DHX40: variants seen among roughly 807,000 people sequenced by gnomAD.
DHX40 encodes probable ATP-dependent RNA helicase DHX40.
Under a neutral mutation model 89.6 loss-of-function variants are expected in DHX40, and 28 were observed. The observed-to-expected ratio is 0.31, with a 90% CI of 0.23 to 0.43. The LOEUF (loss-of-function observed/expected upper bound fraction) is 0.43. Ranked by LOEUF, DHX40 falls within the 20% of genes least tolerant of loss-of-function variation. The pLI, the probability that DHX40 is intolerant of heterozygous loss-of-function variation, is 1.00. For missense variants in DHX40, 457 were observed against 844.0 expected, an observed-to-expected ratio of 0.54 and a Z score of 5.68; for synonymous variants, 226 against 283.6, an observed-to-expected ratio of 0.80 and a Z score of 2.04.
In DHX40 at chr17:59,566,731, A is replaced by G. The variant is rs559969785; in HGVS notation, c.217A>G (p.Ile73Val). The G allele has an allele frequency of 2.5e-6, 4 of 1,602,522 alleles. No homozygotes were observed. Among genetic ancestry groups the G allele is most frequent in the East Asian group, 2.2e-5 (1 of 44,660 alleles). The change falls in exon 2 of 18, where the codon ATT becomes GTT. Residue 73 changes from isoleucine (I) to valine (V), a missense_variant. This residue lies in a region of DHX40 where 61 missense variants were observed against 100.4 expected (regional missense o/e 0.61). Transcript: ENST00000251241. Reference sequence around the variant, plus strand: ...AGCTGTGAGGGACAATTCATTCCTTATTGTTACTGGAAATACAGGAAGTGG... The same window carrying G: ...AGCTGTGAGGGACAATTCATTCCTTGTTGTTACTGGAAATACAGGAAGTGG... ...IQAVRDNSFL[I>V]VTGNTGSGKT...
At position 59,575,385 on chromosome 17, in the gene DHX40, C is replaced by T. The variant is rs1297234973; in HGVS notation, c.887C>T (p.Ala296Val). ...AGTTGTGAGTTACTTTTTCAGATGG[C>T]AGAGTCTGTTGATTATGATTATGAT... ...EKSCELLFQMAESVDYDYDVQ... is the reference protein window; with the variant it reads ...EKSCELLFQMVESVDYDYDVQ... Residue 296 changes from alanine to valine, a missense_variant, in exon 7 of 18, where the codon GCA (alanine) becomes GTA (valine). This residue lies in a region of DHX40 where 116 missense variants were observed against 188.9 expected (regional missense o/e 0.61). Transcript: ENST00000251241. 1 of 1,606,100 alleles carries T rather than the reference C, an allele frequency of 6.2e-7. No individual in the cohort carries two copies. The highest frequency in any genetic ancestry group is 1.3e-5 in the African/African-American group (1 of 74,668).
At chr17:59,570,839 T>C in intron 3 of DHX40, among the ~76,000 whole-genome samples, 176 bp downstream of exon 3, 1 of 152,178 alleles carries the variant, frequency 6.6e-6, no homozygotes, top group East Asian at 1.9e-4. Context: ...CATGCCACCA[T>C]GCCCAGCTAA....
At chr17:59,601,214 G>A (rs1187111127) in intron 14 of DHX40, among the ~76,000 whole-genome samples, 1 of 152,006 alleles carries the variant, frequency 6.6e-6, no homozygotes, top group African/African-American at 2.4e-5. Flanking sequence ...GCAGGGTGAG[G>A]TAGAGGATTG....
At chr17:59,578,883 G>A (rs922237915) in intron 8 of DHX40, among the ~76,000 whole-genome samples, 1 of 116,010 alleles carries the variant, frequency 8.6e-6, no homozygotes, top group Non-Finnish European at 1.7e-5. Context: ...TTCTGTGTTT[G>A]CTTTCTTTCA....
In DHX40 at chr17:59,605,435, G is replaced by A. The variant is rs769623092; in HGVS notation, c.1972-11G>A. On this transcript the variant is annotated splice_polypyrimidine_tract_variant and intron_variant, in intron 16 of 17. Coordinates refer to ENST00000251241, the MANE Select transcript of DHX40 (RefSeq NM_024612.5). ...TTGAGTTACCATCATTAAAAGAAAT[G>A]TTTTGTATAGCTTCATGAACAGGAA... 2.5e-6 allele frequency: 4 copies of A among 1,607,384 alleles called. No individual in the cohort carries two copies. In the South Asian group the frequency reaches 4.4e-5, roughly 18 times the overall value.
chr17:59,604,281 TA>T (rs2030710819), intron 15 of DHX40: 1 of 152,160 alleles, frequency 6.6e-6, no homozygotes, highest in African/African-American at 2.4e-5. Flanking sequence ...ATGATTCAGG[TA>T]AAAATTTTTT....
At chr17:59,580,886 C>G (rs980624657) in intron 10 of DHX40, among the ~76,000 whole-genome samples, 6 of 151,040 alleles carry the variant, frequency 4.0e-5, no homozygotes, top group Admixed American at 2.6e-4. Flanking sequence ...GTTTGAGACC[C>G]GCCTGGCCAT....
chr17:59,595,349 C>T (rs1240849718), intron 12 of DHX40, among the ~76,000 whole-genome samples: 198 of 147,668 alleles, frequency 1.3e-3, no homozygotes, highest in African/African-American at 5.0e-3. Context: ...TCCCAACATG[C>T]TGGGATTACA....
chr17:59,573,799 G>A lies in DHX40; in HGVS notation c.606G>A (p.Glu202=), dbSNP rs2048843926. 8.7e-6 allele frequency: 14 copies of A among 1,613,646 alleles called. No homozygotes were observed. The highest frequency in any genetic ancestry group is 1.2e-5 in the Non-Finnish European group (14 of 1,179,872). ...LFQEKSPNRK[E]HLKVVVMSAT... ...AGGAGAAGTCTCCTAATAGGAAGGA[G>A]CATTTAAAAGTGGTGGTAATGTCAG... The change falls in exon 5 of 18, where the codon GAG becomes GAA. Residue 202 remains glutamate, a synonymous_variant. Transcript: ENST00000251241.
chr17:59,592,540 C>G (rs1008780721), intron 12 of DHX40, among the ~76,000 whole-genome samples: 1 of 150,270 alleles, frequency 6.7e-6, no homozygotes, highest in African/African-American at 2.4e-5. Context: ...TTATTTTTTT[C>G]TGATTAGTTT....
At position 59,605,440 on chromosome 17, in the gene DHX40, G is replaced by T. The variant is rs762657929; in HGVS notation, c.1972-6G>T. 15 of 1,609,426 alleles carry T rather than the reference G, an allele frequency of 9.3e-6. No homozygotes were observed. Among genetic ancestry groups the T allele is most frequent in the East Asian group, 2.2e-5 (1 of 44,764 alleles). ...TTACCATCATTAAAAGAAATGTTTT[G>T]TATAGCTTCATGAACAGGAAACCAA... is the stretch of plus-strand genomic sequence containing the variant. On this transcript the variant is annotated splice_region_variant and splice_polypyrimidine_tract_variant and intron_variant, in intron 16 of 17. Transcript: ENST00000251241.
chr17:59,588,118 C>A, intron 12 of DHX40, 65 bp downstream of exon 12: 1 of 1,587,054 alleles, frequency 6.3e-7, no homozygotes, highest in Non-Finnish European at 8.6e-7. Flanking sequence ...CGGTGGCTCA[C>A]GCCTGTAATC....
At chr17:59,590,812 C>T (rs1181726697) in intron 12 of DHX40, among the ~76,000 whole-genome samples, 1 of 151,640 alleles carries the variant, frequency 6.6e-6, no homozygotes, top group African/African-American at 2.4e-5. Flanking sequence ...GGTAATACCC[C>T]TAATTGCAAT....
At chr17:59,577,465 C>T (rs1327003618) in intron 8 of DHX40, 100 bp downstream of exon 8, 15 of 822,424 alleles carry the variant, frequency 1.8e-5, no homozygotes, top group Non-Finnish European at 2.8e-5. Context: ...TCCACTAATT[C>T]CCTTCTCTCC....
intron 2 of DHX40, among the ~76,000 whole-genome samples, chr17:59,569,073 G>A (rs534096839): frequency 6.6e-6 from 1 of 152,032 alleles, no homozygotes; most frequent in South Asian, 2.1e-4. Flanking sequence ...TCATGCCTGT[G>A]ATCCCAGCAC....
At chr17:59,604,889 C>CTAA (rs2030749794) in intron 15 of DHX40, 1 of 477,998 alleles carries the variant, frequency 2.1e-6, no homozygotes, top group Admixed American at 3.4e-5. Context: ...TTCCTTATAC[C>CTAA]TAATTGTAGT....
At chr17:59,577,861 A>G (rs1402784594) in intron 8 of DHX40, among the ~76,000 whole-genome samples, 1 of 151,546 alleles carries the variant, frequency 6.6e-6, no homozygotes, top group Non-Finnish European at 1.5e-5. Flanking sequence ...ATTTTTCTGT[A>G]CTCCCATTAT....
At chr17:59,605,251 G>A in intron 16 of DHX40, 67 bp downstream of exon 16, 1 of 1,480,540 alleles carries the variant, frequency 6.8e-7, no homozygotes. Context: ...ATATACAAAT[G>A]TCTTCTACTT....
At chr17:59,570,139 A>G (rs1044668257) in intron 2 of DHX40, among the ~76,000 whole-genome samples, 11 of 127,652 alleles carry the variant, frequency 8.6e-5, no homozygotes, top group Non-Finnish European at 1.6e-4. Context: ...TATATAATAT[A>G]TTATAAATTA....
Sources: allele counts gnomAD v4.1 joint callset (sites outside exome capture counted in the v4.1 genomes callset), GRCh38; gene constraint gnomAD v4.1.1; regional missense constraint gnomAD v4.1.1; transcripts MANE v1.5; gene names NCBI Gene and HGNC (gene_info 2026-07-23, HGNC 2026-07-21).